Variants in FGF14 observed in about 807,000 individuals in gnomAD.
The protein encoded by FGF14 is fibroblast growth factor homologous factor 4.
A neutral mutation model predicts 25.5 loss-of-function variants in FGF14; 5 were observed. That is an observed-to-expected ratio of 0.20 (90% CI 0.10 to 0.41). The LOEUF (loss-of-function observed/expected upper bound fraction) is 0.41. Among genes scored for constraint, FGF14 ranks in the 10% least tolerant of loss-of-function variants. FGF14 has a pLI of 1.00. For missense variants in FGF14, 222 were observed against 320.1 expected, an observed-to-expected ratio of 0.69 and a Z score of 2.34; for synonymous variants, 138 against 118.3, an observed-to-expected ratio of 1.17 and a Z score of -1.08.
chr13:101,897,228 T>G (rs904283233), intron 1 of FGF14, among the ~76,000 whole-genome samples: 12 of 152,214 alleles, frequency 7.9e-5, no homozygotes, highest in African/African-American at 2.4e-4. Flanking sequence ...TGCTCTCACA[T>G]GCATTATCTC....
intron 1 of FGF14, among the ~76,000 whole-genome samples, chr13:102,323,639 G>T (rs1319417751): frequency 6.6e-6 from 1 of 152,136 alleles, no homozygotes; most frequent in Non-Finnish European, 1.5e-5. Context: ...GAATATAGCA[G>T]TAAGATTTTA....
At chr13:101,878,418 T>C (rs1004652555) in intron 1 of FGF14, among the ~76,000 whole-genome samples, 3 of 152,200 alleles carry the variant, frequency 2.0e-5, no homozygotes, top group Non-Finnish European at 4.4e-5. Flanking sequence ...TTTATGGTAA[T>C]TTTATGGTAT....
At chr13:101,954,632 G>C (rs548764152) in intron 1 of FGF14, among the ~76,000 whole-genome samples, 1 of 152,232 alleles carries the variant, frequency 6.6e-6, no homozygotes, top group Non-Finnish European at 1.5e-5. Context: ...TAAAACCTGT[G>C]TAGGCTGAGC....
At chr13:101,749,791 TA>T (rs894992879) in intron 3 of FGF14, among the ~76,000 whole-genome samples, 1 of 152,124 alleles carries the variant, frequency 6.6e-6, no homozygotes, top group African/African-American at 2.4e-5. Flanking sequence ...TCAGATAGTT[TA>T]AAAAATTATA....
At chr13:102,002,516 TG>T in intron 1 of FGF14, 2 of 166,444 alleles carry the variant, frequency 1.2e-5, no homozygotes, top group South Asian at 1.7e-4. Context: ...ATGGAAAATC[TG>T]AAGTTAGTTG....
intron 1 of FGF14, among the ~76,000 whole-genome samples, chr13:102,385,739 C>T (rs978284772): frequency 6.6e-6 from 1 of 152,030 alleles, no homozygotes; most frequent in African/African-American, 2.4e-5. Flanking sequence ...ATTCTAATGG[C>T]CAACAGATGG....
intron 3 of FGF14, among the ~76,000 whole-genome samples, chr13:101,786,232 T>C (rs1409766782): frequency 6.6e-6 from 1 of 152,224 alleles, no homozygotes; most frequent in Non-Finnish European, 1.5e-5. Flanking sequence ...TCTGTCATCA[T>C]GAACTACCTA....
At chr13:102,178,037 A>T (rs2140727908) in intron 1 of FGF14, among the ~76,000 whole-genome samples, 1 of 152,216 alleles carries the variant, frequency 6.6e-6, no homozygotes, top group Admixed American at 6.5e-5. Context: ...CATCCCAAAC[A>T]GAAATCCTCC....
chr13:102,386,061 T>C (rs2058294891), intron 1 of FGF14, among the ~76,000 whole-genome samples: 1 of 152,158 alleles, frequency 6.6e-6, no homozygotes, highest in Admixed American at 6.6e-5. Context: ...CTAACTCTTA[T>C]TATTTTCCTT....
intron 1 of FGF14, among the ~76,000 whole-genome samples, chr13:102,108,375 C>T (rs1033491949): frequency 6.6e-6 from 1 of 152,208 alleles, no homozygotes. Context: ...ATTCCTAACG[C>T]TATACCTGAA....
At chr13:102,255,384 A>G (rs1296243824) in intron 1 of FGF14, among the ~76,000 whole-genome samples, 2 of 152,236 alleles carry the variant, frequency 1.3e-5, no homozygotes. Context: ...CAAAGAAATA[A>G]CATCCATTTG....
At chr13:102,091,586 C>T (rs1447373527) in intron 1 of FGF14, among the ~76,000 whole-genome samples, 2 of 152,206 alleles carry the variant, frequency 1.3e-5, no homozygotes, top group Non-Finnish European at 2.9e-5. Flanking sequence ...ATTGGTCCTC[C>T]TCAGAGGTCT....
chr13:101,988,595 C>T (rs1158438206), intron 1 of FGF14, among the ~76,000 whole-genome samples: 1 of 150,988 alleles, frequency 6.6e-6, no homozygotes, highest in African/African-American at 2.4e-5. Context: ...TCTCAGCAAA[C>T]TATTGCAAGG....
At chr13:102,363,625 A>T (rs1286741922) in intron 1 of FGF14, among the ~76,000 whole-genome samples, 1 of 152,216 alleles carries the variant, frequency 6.6e-6, no homozygotes, top group Non-Finnish European at 1.5e-5. Context: ...GTTTATTATT[A>T]TCATGCAAGA....
intron 1 of FGF14, among the ~76,000 whole-genome samples, chr13:102,156,171 C>T (rs2047325407): frequency 1.3e-5 from 2 of 152,188 alleles, no homozygotes; most frequent in South Asian, 4.1e-4. Context: ...AGGCCAGCAT[C>T]ATCCTGATAC....
At chr13:101,862,411 C>T (rs17625232) in intron 3 of FGF14, among the ~76,000 whole-genome samples, 13,543 of 151,936 alleles carry the variant, frequency 0.089, 893 homozygotes, top group East Asian at 0.3. Context: ...TCCAATGTCT[C>T]TCTTTATATT....
intron 1 of FGF14, among the ~76,000 whole-genome samples, chr13:102,072,137 A>C (rs907048272): frequency 4.6e-5 from 7 of 152,226 alleles, no homozygotes; most frequent in African/African-American, 1.7e-4. Flanking sequence ...AGAAAATCAC[A>C]AAGCAGGAAA....
At chr13:102,049,375 T>C (rs1031991581) in intron 1 of FGF14, among the ~76,000 whole-genome samples, 3 of 152,158 alleles carry the variant, frequency 2.0e-5, no homozygotes, top group African/African-American at 7.2e-5. Context: ...GAGCACCCAG[T>C]GTCATTGGGC....
chr13:102,331,013 G>T (rs544720326), intron 1 of FGF14, among the ~76,000 whole-genome samples: 6 of 152,192 alleles, frequency 3.9e-5, no homozygotes, highest in African/African-American at 1.4e-4. Flanking sequence ...GAATCAGACC[G>T]TCCTCCATTT....
Sources: allele counts gnomAD v4.1 joint callset (sites outside exome capture counted in the v4.1 genomes callset), GRCh38; gene constraint gnomAD v4.1.1; transcripts MANE v1.5; gene names NCBI Gene and HGNC (gene_info 2026-07-23, HGNC 2026-07-21).